The following ADAM12 variants were observed in gnomAD, a reference collection of about 807,000 sequenced individuals.
ADAM12 encodes ADAM metallopeptidase domain 12, also known as disintegrin and metalloproteinase domain-containing protein 12.
In ADAM12, 70 loss-of-function variants were observed where a neutral mutation model predicts 106.4. The ratio of observed to expected loss-of-function variants is 0.66; its 90% CI spans 0.54 to 0.80. The LOEUF is 0.80. Among genes scored for constraint, ADAM12 ranks in the 30% least tolerant of loss-of-function variants. ADAM12 has a pLI of 0.00. For synonymous variants in ADAM12, 420 were observed against 433.5 expected (o/e 0.97, Z 0.39); for missense variants, 1,010 against 1,171.9 (o/e 0.86, Z 2.02).
chr10:126,261,381 A>G (rs1418383675), intron 3 of ADAM12, among the ~76,000 whole-genome samples: 1 of 152,262 alleles, frequency 6.6e-6, no homozygotes, highest in African/African-American at 2.4e-5. Flanking sequence ...TATACTTAGA[A>G]AAAAGCAAAA....
intron 3 of ADAM12, among the ~76,000 whole-genome samples, chr10:126,161,385 C>A (rs1444950915): frequency 6.6e-6 from 1 of 152,176 alleles, no homozygotes; most frequent in Non-Finnish European, 1.5e-5. Flanking sequence ...GTCATGCCAT[C>A]CATGACAGTG....
At chr10:126,202,290 T>C (rs1957716907) in intron 3 of ADAM12, among the ~76,000 whole-genome samples, 1 of 152,266 alleles carries the variant, frequency 6.6e-6, no homozygotes, top group Non-Finnish European at 1.5e-5. Context: ...GGTTAATTTG[T>C]TTTCAGTTAA....
At chr10:126,249,426 G>A (rs1037130820) in intron 3 of ADAM12, among the ~76,000 whole-genome samples, 1 of 152,148 alleles carries the variant, frequency 6.6e-6, no homozygotes, top group South Asian at 2.1e-4. Context: ...CAGGCGGGGC[G>A]CCATGGCTCA....
intron 2 of ADAM12, among the ~76,000 whole-genome samples, chr10:126,284,576 T>C (rs1202090637): frequency 1.3e-5 from 2 of 152,150 alleles, no homozygotes; most frequent in African/African-American, 2.4e-5. Context: ...TTTATAAAAA[T>C]GAGGTCTCAA....
intron 1 of ADAM12, among the ~76,000 whole-genome samples, chr10:126,340,804 A>G (rs1412733367): frequency 2.7e-5 from 4 of 146,948 alleles, no homozygotes; most frequent in Non-Finnish European, 6.0e-5. Context: ...TGCAACCTCC[A>G]CCTCCTGGGT....
intron 3 of ADAM12, among the ~76,000 whole-genome samples, chr10:126,194,278 C>CAAAAAAAAAAAAAAAAAAAAAAAAAAA (rs35778124): frequency 1.7e-5 from 1 of 58,074 alleles, no homozygotes; most frequent in Non-Finnish European, 3.9e-5. Context: ...TTCATATGCT[C>CAAAAAAAAAAAAAAAAAAAAAAAAAAA]AAAAAAAAAA....
At chr10:126,210,725 T>C (rs545565250) in intron 3 of ADAM12, among the ~76,000 whole-genome samples, 2 of 151,992 alleles carry the variant, frequency 1.3e-5, no homozygotes, top group Non-Finnish European at 2.9e-5. Flanking sequence ...CTTCCACCAG[T>C]GAAACCTGCA....
chr10:126,118,584 CA>C (rs1229371320), intron 5 of ADAM12, among the ~76,000 whole-genome samples: 1 of 152,196 alleles, frequency 6.6e-6, no homozygotes, highest in African/African-American at 2.4e-5. Flanking sequence ...TCTGAATTAG[CA>C]GACACATTTC....
intron 1 of ADAM12, among the ~76,000 whole-genome samples, chr10:126,380,660 C>G (rs370447010): frequency 1.3e-5 from 2 of 152,176 alleles, no homozygotes; most frequent in East Asian, 3.9e-4. Flanking sequence ...AAAATACTAA[C>G]CAAACATATG....
intron 2 of ADAM12, among the ~76,000 whole-genome samples, chr10:126,288,219 GA>G (rs1478319604): frequency 6.6e-6 from 1 of 151,886 alleles, no homozygotes; most frequent in Non-Finnish European, 1.5e-5. Flanking sequence ...AAGGAGCAGG[GA>G]AACCCTGGAC....
At chr10:126,349,713 C>A (rs1015953718) in intron 1 of ADAM12, among the ~76,000 whole-genome samples, 1 of 152,190 alleles carries the variant, frequency 6.6e-6, no homozygotes, top group Non-Finnish European at 1.5e-5. Context: ...TTTTGATGAA[C>A]TTTCAACGTC....
intron 3 of ADAM12, among the ~76,000 whole-genome samples, chr10:126,199,350 A>T (rs750460545): frequency 1.3e-5 from 2 of 152,132 alleles, no homozygotes; most frequent in African/African-American, 2.4e-5. Flanking sequence ...GCCGGTGTTC[A>T]TTTCAAGTCA....
At chr10:126,107,827 G>C (rs976944346) in intron 8 of ADAM12, among the ~76,000 whole-genome samples, 2 of 152,312 alleles carry the variant, frequency 1.3e-5, no homozygotes, top group South Asian at 4.1e-4. Context: ...TCCAATATGC[G>C]GGGCTTGTGA....
chr10:126,213,459 C>A (rs1957936268), intron 3 of ADAM12, among the ~76,000 whole-genome samples: 1 of 152,148 alleles, frequency 6.6e-6, no homozygotes, highest in East Asian at 1.9e-4. Context: ...AGCAGGAAAA[C>A]AAGAAGCTAA....
chr10:126,341,693 C>T (rs7910333), intron 1 of ADAM12, among the ~76,000 whole-genome samples: 46,736 of 152,060 alleles, frequency 0.31, 7,559 homozygotes, highest in African/African-American at 0.4. Context: ...ATAGCAATTG[C>T]CATCATAGTA....
At chr10:126,340,923 G>A (rs951966318) in intron 1 of ADAM12, among the ~76,000 whole-genome samples, 1 of 151,818 alleles carries the variant, frequency 6.6e-6, no homozygotes, top group African/African-American at 2.4e-5. Flanking sequence ...CACCATCTTG[G>A]CCAGGCTGGT....
intron 2 of ADAM12, among the ~76,000 whole-genome samples, chr10:126,294,505 T>G (rs1177840792): frequency 2.0e-5 from 3 of 152,336 alleles, no homozygotes; most frequent in Non-Finnish European, 4.4e-5. Context: ...CAGTCTCGGC[T>G]GTTCAGGTTT....
At chr10:126,144,324 T>A (rs1956584547) in intron 4 of ADAM12, among the ~76,000 whole-genome samples, 1 of 152,160 alleles carries the variant, frequency 6.6e-6, no homozygotes, top group Admixed American at 6.5e-5. Context: ...GTTTTGTGGA[T>A]CAAATAAACA....
chr10:126,202,320 T>C (rs1286310154), intron 3 of ADAM12, among the ~76,000 whole-genome samples: 1 of 152,272 alleles, frequency 6.6e-6, no homozygotes, highest in Non-Finnish European at 1.5e-5. Context: ...GATTTCAGCC[T>C]TTCTGACTAT....
Sources: gnomAD v4.1 joint callset for allele counts (sites outside exome capture counted in the v4.1 genomes callset) on GRCh38, gnomAD v4.1.1 for gene constraint, MANE v1.5 for transcripts, NCBI Gene and HGNC (gene_info 2026-07-23, HGNC 2026-07-21) for gene names.